The following COPS3 variants were observed in gnomAD, a reference collection of about 807,000 sequenced individuals.
COPS3 encodes COP9 signalosome subunit 3, also known as COP9 signalosome complex subunit 3.
COPS3 carries 10 observed loss-of-function variants against 58.2 expected under a neutral mutation model. That is an observed-to-expected ratio of 0.17 (90% CI 0.11 to 0.29). The LOEUF is 0.29. COPS3 is among the 10% of genes least tolerant of loss of function. COPS3 has a pLI of 1.00. For synonymous variants in COPS3, 187 were observed against 181.7 expected (o/e 1.03, Z -0.24); for missense variants, 333 against 510.1 (o/e 0.65, Z 3.34).
At chr17:17,265,082 A>AAACACAATTACATTAT in intron 5 of COPS3, 101 bp from the exon 6 acceptor site, 2 of 1,035,038 alleles carry the variant, frequency 1.9e-6, no homozygotes, top group Non-Finnish European at 2.9e-6. Flanking sequence ...AAATAATGTA[A>AAACACAATTACATTAT]TTGTGTTTTA....
chr17:17,271,863 C>T lies in COPS3; in HGVS notation c.186-855G>A, dbSNP rs901894272. Reference sequence around the variant, plus strand: ...ATCTATATATATATATATATACACACATACACACACATATGTTTAATAATA... The same window carrying T: ...ATCTATATATATATATATATACACATATACACACACATATGTTTAATAATA... On this transcript the variant is annotated intron_variant, in intron 2 of 11. Coordinates refer to ENST00000268717, the MANE Select transcript of COPS3 (RefSeq NM_003653.4). Among the ~76,000 whole-genome samples the T allele has an allele frequency of 1.1e-4, 13 of 113,174 alleles. No homozygotes were observed. The East Asian group carries it at 4.1e-3, about 36-fold the overall frequency. 74.2% of individuals were successfully genotyped at this position (113,174 alleles called of 152,430 possible). A position where few individuals can be genotyped will look rare whatever the true frequency, so the allele number is the denominator to read the frequency against.
At chr17:17,266,568 G>T (rs2048225791) in intron 5 of COPS3, among the ~76,000 whole-genome samples, 1 of 151,994 alleles carries the variant, frequency 6.6e-6, no homozygotes, top group African/African-American at 2.4e-5. Flanking sequence ...GGAGGCTGAG[G>T]TGGGCGGATC....
chr17:17,247,026 T>C lies in COPS3; in HGVS notation c.*72A>G. Reference sequence around the variant, plus strand: ...CAGGTGACACAGGCTTGGTCCTCTCTGCTGCCCTCCGAACACTTGTCACTG... The same window carrying C: ...CAGGTGACACAGGCTTGGTCCTCTCCGCTGCCCTCCGAACACTTGTCACTG... On this transcript the variant is annotated 3_prime_UTR_variant, in exon 12 of 12. Transcript: ENST00000268717. 1.5e-6 allele frequency: 2 copies of C among 1,368,744 alleles called. No individual in the cohort carries two copies. Among genetic ancestry groups the C allele is most frequent in the Non-Finnish European group, 2.1e-6 (2 of 956,324 alleles). The allele number at this position is 1,368,744 out of a possible 1,614,324, so 84.8% of individuals were successfully genotyped here. A position where few individuals can be genotyped will look rare whatever the true frequency, so the allele number is the denominator to read the frequency against.
chr17:17,260,561 T>G, intron 7 of COPS3, 87 bp from the exon 8 acceptor site: 2 of 1,337,860 alleles, frequency 1.5e-6, no homozygotes, highest in Non-Finnish European at 2.1e-6. Context: ...CTCAACACTT[T>G]GGGAGGCCGA....
chr17:17,280,639 C>G (rs1438483512), intron 1 of COPS3: 1 of 1,304,100 alleles, frequency 7.7e-7, no homozygotes, highest in African/African-American at 1.5e-5. Context: ...GCGTGCGCCG[C>G]CTGGCAGCGG....
At chr17:17,247,642 G>A (rs530594402) in intron 10 of COPS3, 82 bp from the exon 11 acceptor site, 19 of 1,341,258 alleles carry the variant, frequency 1.4e-5, no homozygotes, top group East Asian at 2.3e-5. Context: ...GTTCACAAGG[G>A]TGCTATAGGT....
chr17:17,274,560 G>A (rs1276726010), intron 2 of COPS3, among the ~76,000 whole-genome samples: 1 of 151,752 alleles, frequency 6.6e-6, no homozygotes, highest in African/African-American at 2.4e-5. Flanking sequence ...GAGTAGCTGG[G>A]ACTACAGGTG....
chr17:17,274,765 TTTTA>T (rs1206144812), intron 2 of COPS3, among the ~76,000 whole-genome samples: 3 of 152,002 alleles, frequency 2.0e-5, no homozygotes, highest in African/African-American at 7.2e-5. Context: ...TTTTTTTTTT[TTTTA>T]AAGAATTTGA....
chr17:17,253,415 A>C (rs183646878), intron 9 of COPS3, among the ~76,000 whole-genome samples: 2 of 152,342 alleles, frequency 1.3e-5, no homozygotes, highest in Admixed American at 1.3e-4. Context: ...TCATATAGTC[A>C]TTTAAATGAT....
intron 5 of COPS3, among the ~76,000 whole-genome samples, chr17:17,265,996 G>A (rs145509921): frequency 1.2e-4 from 18 of 152,328 alleles, no homozygotes; most frequent in Admixed American, 2.6e-4. Flanking sequence ...GAGACGCAGT[G>A]TAGACATGCG....
intron 5 of COPS3, 57 bp downstream of exon 5, chr17:17,267,828 G>A: frequency 1.9e-6 from 3 of 1,553,064 alleles, no homozygotes; most frequent in Non-Finnish European, 2.6e-6. Flanking sequence ...TGTTGAGCAA[G>A]CCCATAAACA....
At chr17:17,259,639 A>C (rs1271537161) in intron 8 of COPS3, among the ~76,000 whole-genome samples, 1 of 152,178 alleles carries the variant, frequency 6.6e-6, no homozygotes, top group Non-Finnish European at 1.5e-5. Flanking sequence ...TCATGTCTGT[A>C]ATCCCAGCAG....
rs1555620660 is a variant in COPS3, at chr17:17,271,840, C to CTCTA, written c.186-833_186-832insTAGA. The stretch of plus-strand genomic sequence containing the variant: ...TCTCAAAAAAAAAATCTATATATAT[C>CTCTA]TATATATATATATATATACACACAT... On this transcript the variant is annotated intron_variant, in intron 2 of 11. Coordinates refer to ENST00000268717, the MANE Select transcript of COPS3 (RefSeq NM_003653.4). 7.9e-5 allele frequency among the ~76,000 whole-genome samples: 11 copies of CTCTA among 139,164 alleles called. No individual in the cohort carries two copies. In the South Asian group the frequency reaches 2.2e-3, roughly 28 times the overall value. 91.3% of individuals were successfully genotyped at this position (139,164 alleles called of 152,430 possible). A position where few individuals can be genotyped will look rare whatever the true frequency, so the allele number is the denominator to read the frequency against.
At chr17:17,273,046 T>C (rs1895043237) in intron 2 of COPS3, among the ~76,000 whole-genome samples, 1 of 152,254 alleles carries the variant, frequency 6.6e-6, no homozygotes, top group Non-Finnish European at 1.5e-5. Context: ...GAATTCTTTT[T>C]CTCTTGATGT....
Position 17,247,017 on chromosome 17 carries a change from G to T in COPS3, c.*81C>A. 3 of 1,218,898 alleles carry T rather than the reference G, an allele frequency of 2.5e-6. No homozygotes were observed. Among genetic ancestry groups the T allele is most frequent in the African/African-American group, 1.5e-5 (1 of 67,076 alleles). The allele number at this position is 1,218,898 out of a possible 1,614,324, so 75.5% of individuals were successfully genotyped here. On this transcript the variant is annotated 3_prime_UTR_variant, in exon 12 of 12. Transcript: ENST00000268717. ...CTTAGTCTCCAGGTGACACAGGCTT[G>T]GTCCTCTCTGCTGCCCTCCGAACAC...
In COPS3 at chr17:17,264,814, G is replaced by A. The variant is rs754300486; in HGVS notation, c.609C>T (p.Tyr203=). 1.9e-6 allele frequency: 3 copies of A among 1,604,960 alleles called. No homozygotes were observed. The Admixed American group carries it at 5.3e-5, about 28-fold the overall frequency. The change falls in exon 6 of 12, where the codon TAC becomes TAT. Residue 203 remains tyrosine (Y), a synonymous_variant. Transcript: ENST00000268717. Reference sequence around the variant, plus strand: ...TTAGAGAGATTACCTGTTCATAAAAGTAGAGAGCTCTTTCAAAGTTCTTCA... The same window carrying A: ...TTAGAGAGATTACCTGTTCATAAAAATAGAGAGCTCTTTCAAAGTTCTTCA... ...TGLKNFERAL[Y]FYEQAITTPA...
At chr17:17,278,586 T>A (rs1041440204) in intron 1 of COPS3, among the ~76,000 whole-genome samples, 27 of 152,252 alleles carry the variant, frequency 1.8e-4, no homozygotes, top group African/African-American at 6.3e-4. Flanking sequence ...CAGATCTCAC[T>A]GGTAGGTATG....
intron 9 of COPS3, among the ~76,000 whole-genome samples, chr17:17,249,752 A>C (rs1409453565): frequency 1.3e-5 from 2 of 152,226 alleles, no homozygotes; most frequent in Non-Finnish European, 2.9e-5. Context: ...TCGGCTTCCC[A>C]AAGTGCTGGG....
chr17:17,258,288 T>C (rs1396424124), intron 8 of COPS3, among the ~76,000 whole-genome samples: 2 of 152,150 alleles, frequency 1.3e-5, no homozygotes, highest in Non-Finnish European at 2.9e-5. Context: ...TTGAGACTCT[T>C]CCTGTTTGAT....
Sources: gnomAD v4.1 joint callset for allele counts (sites outside exome capture counted in the v4.1 genomes callset) on GRCh38, gnomAD v4.1.1 for gene constraint, MANE v1.5 for transcripts, NCBI Gene and HGNC (gene_info 2026-07-23, HGNC 2026-07-21) for gene names.